The following UBE3D variants were observed in gnomAD, a reference collection of about 807,000 sequenced individuals.
UBE3D encodes ubiquitin protein ligase E3D.
Under a neutral mutation model 49.6 loss-of-function variants are expected in UBE3D, and 48 were observed. The observed-to-expected ratio is 0.97, with a 90% CI of 0.77 to 1.23. The LOEUF is 1.23. UBE3D is among the 50% of genes most tolerant of loss of function. UBE3D has a pLI of 0.00. For missense variants in UBE3D, 452 were observed against 468.4 expected (o/e 0.96, Z 0.32); for synonymous variants, 189 against 174.2 (o/e 1.08, Z -0.67).
chr6:82,962,608 T>C (rs1776635709), intron 8 of UBE3D, among the ~76,000 whole-genome samples: 2 of 152,248 alleles, frequency 1.3e-5, no homozygotes, highest in South Asian at 2.1e-4. Flanking sequence ...AATCCAACAT[T>C]GGCATTTTAA....
At chr6:82,963,741 A>C (rs1406684057) in intron 8 of UBE3D, among the ~76,000 whole-genome samples, 1 of 152,126 alleles carries the variant, frequency 6.6e-6, no homozygotes, top group Non-Finnish European at 1.5e-5. Context: ...TCTCCTTCAC[A>C]GACACACCCT....
chr6:83,003,286 T>G (rs984040387), intron 8 of UBE3D, among the ~76,000 whole-genome samples: 2 of 152,156 alleles, frequency 1.3e-5, no homozygotes, highest in African/African-American at 4.8e-5. Flanking sequence ...AGATCATGAT[T>G]ATACTTGTCT....
intron 5 of UBE3D, among the ~76,000 whole-genome samples, chr6:83,029,063 T>C (rs566681174): frequency 2.0e-5 from 3 of 152,240 alleles, no homozygotes; most frequent in Non-Finnish European, 2.9e-5. Context: ...TTTCAACAGA[T>C]TGACGACAAC....
chr6:82,944,604 G>T (rs1356325620), intron 9 of UBE3D, among the ~76,000 whole-genome samples: 3 of 152,234 alleles, frequency 2.0e-5, no homozygotes, highest in African/African-American at 7.2e-5. Flanking sequence ...AGGAGACTTT[G>T]TCTTGCACTT....
the UBE3D span, among the ~76,000 whole-genome samples, chr6:82,884,955 G>A: frequency 6.6e-5 from 10 of 152,174 alleles, no homozygotes; most frequent in Admixed American, 3.9e-4. Context: ...TTCTGTGCTG[G>A]ATTCCTTTCC....
At chr6:82,959,963 C>T (rs1455941806) in intron 8 of UBE3D, among the ~76,000 whole-genome samples, 3 of 152,152 alleles carry the variant, frequency 2.0e-5, no homozygotes, top group South Asian at 2.1e-4. Context: ...CTGGGAAATA[C>T]GCTTGCAGTC....
chr6:82,962,709 A>G (rs1776641486), intron 8 of UBE3D, among the ~76,000 whole-genome samples: 1 of 152,206 alleles, frequency 6.6e-6, no homozygotes. Context: ...CACAGGGCCA[A>G]TAAATGATAG....
chr6:82,922,286 A>G (rs1039426796), intron 9 of UBE3D, among the ~76,000 whole-genome samples: 5 of 152,174 alleles, frequency 3.3e-5, no homozygotes, highest in Non-Finnish European at 4.4e-5. Flanking sequence ...AACTTAGAAA[A>G]CACCATGCCC....
chr6:83,032,849 T>C (rs185755400), intron 5 of UBE3D, among the ~76,000 whole-genome samples: 17 of 152,292 alleles, frequency 1.1e-4, no homozygotes, highest in African/African-American at 3.8e-4. Flanking sequence ...CCCCTGCACA[T>C]GCTCTGTTGC....
chr6:82,973,214 G>T (rs1344734522), intron 8 of UBE3D, among the ~76,000 whole-genome samples: 1 of 152,114 alleles, frequency 6.6e-6, no homozygotes, highest in Non-Finnish European at 1.5e-5. Flanking sequence ...ACTTGGATTT[G>T]ATTCTCCTAT....
intron 8 of UBE3D, among the ~76,000 whole-genome samples, chr6:83,012,206 G>T (rs911542097): frequency 1.3e-5 from 2 of 152,196 alleles, no homozygotes; most frequent in African/African-American, 4.8e-5. Context: ...TGGGAGTCTT[G>T]CAGAAGCACT....
At chr6:83,006,457 T>C (rs1223406419) in intron 8 of UBE3D, among the ~76,000 whole-genome samples, 1 of 152,056 alleles carries the variant, frequency 6.6e-6, no homozygotes, top group Non-Finnish European at 1.5e-5. Context: ...CTGCTGTCCT[T>C]ACCAGAAGAG....
chr6:83,046,688 T>A (rs1442295529), intron 3 of UBE3D, among the ~76,000 whole-genome samples: 1 of 100,752 alleles, frequency 9.9e-6, no homozygotes, highest in Non-Finnish European at 1.9e-5. Context: ...GGGTGGGCGG[T>A]GGCACCGGGG....
chr6:83,001,508 T>C (rs1490825537), intron 8 of UBE3D, among the ~76,000 whole-genome samples: 1 of 152,202 alleles, frequency 6.6e-6, no homozygotes, highest in Non-Finnish European at 1.5e-5. Context: ...ATAAATTTCC[T>C]ACAGCAGCCT....
intron 9 of UBE3D, chr6:82,925,213 T>A (rs1773658053): frequency 6.6e-6 from 1 of 152,216 alleles, no homozygotes; most frequent in African/African-American, 2.4e-5. Flanking sequence ...AATAAAATAA[T>A]GATTCAAAGA....
At chr6:82,938,910 G>A (rs1004904375) in intron 9 of UBE3D, among the ~76,000 whole-genome samples, 6 of 151,998 alleles carry the variant, frequency 3.9e-5, no homozygotes, top group Non-Finnish European at 7.4e-5. Flanking sequence ...AGTCTGGTGT[G>A]GTGGCATGCA....
At position 83,054,939 on chromosome 6, in the gene UBE3D, G is replaced by A. The variant is rs370421605; in HGVS notation, c.275-701C>T. ...GCTGGGATTACAGGCGTGAGCCACC[G>A]TGCCCAGCCAACTTTGAGTTTAATT... is the stretch of plus-strand genomic sequence containing the variant. On this transcript the variant is annotated intron_variant, in intron 2 of 9. Coordinates refer to ENST00000369747, the MANE Select transcript of UBE3D (RefSeq NM_198920.3). Among the ~76,000 whole-genome samples the A allele has an allele frequency of 4.0e-3, 608 of 152,220 alleles. 3 individuals carry two copies. Among genetic ancestry groups the A allele is most frequent in the African/African-American group, 0.014 (568 of 41,514 alleles).
intron 9 of UBE3D, among the ~76,000 whole-genome samples, chr6:82,907,153 G>C (rs1236580817): frequency 1.3e-5 from 2 of 152,292 alleles, no homozygotes; most frequent in East Asian, 3.9e-4. Flanking sequence ...AATTATAAAA[G>C]TGACTCACTG....
intron 8 of UBE3D, among the ~76,000 whole-genome samples, chr6:83,004,375 C>T (rs1197471895): frequency 6.6e-6 from 1 of 152,192 alleles, no homozygotes; most frequent in Non-Finnish European, 1.5e-5. Flanking sequence ...GACAACCCAA[C>T]TCTAATTCTG....
Sources: allele counts gnomAD v4.1 joint callset (sites outside exome capture counted in the v4.1 genomes callset), GRCh38; gene constraint gnomAD v4.1.1; transcripts MANE v1.5; gene names NCBI Gene and HGNC (gene_info 2026-07-23, HGNC 2026-07-21).